The following RBFOX1 variants were observed in gnomAD, a reference collection of about 807,000 sequenced individuals.
The protein encoded by RBFOX1 is RNA binding fox-1 homolog 1.
A neutral mutation model predicts 57.7 loss-of-function variants in RBFOX1; 8 were observed. That is an observed-to-expected ratio of 0.14 (90% confidence interval 0.08 to 0.25). RBFOX1 has a LOEUF of 0.25. RBFOX1 is among the 10% of genes least tolerant of loss of function. RBFOX1 has a pLI of 1.00. For synonymous variants in RBFOX1, 326 were observed against 222.4 expected (o/e 1.47, Z -4.15); for missense variants, 611 against 548.5 (o/e 1.11, Z -1.14).
chr16:7,638,700 A>C (rs1431850393), intron 11 of RBFOX1, among the ~76,000 whole-genome samples: 4 of 152,224 alleles, frequency 2.6e-5, no homozygotes, highest in East Asian at 3.9e-4. Context: ...TTATAGCTTG[A>C]AAGTAGCCAT....
chr16:7,166,943 A>T (rs946926600), intron 4 of RBFOX1, among the ~76,000 whole-genome samples: 1 of 137,634 alleles, frequency 7.3e-6, no homozygotes, highest in African/African-American at 2.8e-5. Flanking sequence ...GACATCAGAG[A>T]GAAAGCCCCA....
chr16:7,648,484 A>C (rs1032753491), intron 11 of RBFOX1, among the ~76,000 whole-genome samples: 7 of 152,248 alleles, frequency 4.6e-5, no homozygotes, highest in Middle Eastern at 3.4e-3. Flanking sequence ...TGGCCTCCCA[A>C]AGTGTTGGGA....
At chr16:5,420,868 C>G (rs914497503) in intron 1 of RBFOX1, among the ~76,000 whole-genome samples, 3 of 72,910 alleles carry the variant, frequency 4.1e-5, no homozygotes, top group Non-Finnish European at 8.6e-5. Flanking sequence ...TCCTCCTCCT[C>G]CTCTCCCTCC....
At chr16:7,022,271 T>G (rs1322038932) in intron 3 of RBFOX1, among the ~76,000 whole-genome samples, 1 of 151,190 alleles carries the variant, frequency 6.6e-6, no homozygotes, top group Non-Finnish European at 1.5e-5. Flanking sequence ...CAGGTTCGTC[T>G]TGAACTCAAG....
intron 1 of RBFOX1, among the ~76,000 whole-genome samples, chr16:5,395,974 G>A (rs1314344568): frequency 2.0e-5 from 3 of 152,190 alleles, no homozygotes. Flanking sequence ...ATTTAAGCCT[G>A]TGGGCTCAAC....
intron 3 of RBFOX1, among the ~76,000 whole-genome samples, chr16:5,739,379 C>T (rs1415983859): frequency 6.6e-6 from 1 of 152,190 alleles, no homozygotes; most frequent in Non-Finnish European, 1.5e-5. Context: ...GTGAATAAAA[C>T]AGACAAGAAT....
intron 3 of RBFOX1, among the ~76,000 whole-genome samples, chr16:5,615,749 C>T (rs542227913): frequency 4.6e-5 from 7 of 152,178 alleles, no homozygotes; most frequent in East Asian, 1.9e-4. Flanking sequence ...TGGGGGACCC[C>T]GTTAGGAAAA....
At position 5,582,390 on chromosome 16, in the gene RBFOX1, G is replaced by A. The variant is rs548398486; in HGVS notation, c.259-16512G>A. ...GTGGAAAACATGGACCACACTGGCC[G>A]TCGTGATTGGCATTGCCGGGTATTG... On this transcript the variant is annotated intron_variant, in intron 2 of 2. Transcript: ENST00000585867. Among the ~76,000 whole-genome samples the A allele has an allele frequency of 9.9e-5, 15 of 152,216 alleles. No individual in the cohort carries two copies. The South Asian group carries it at 1.9e-3, about 19-fold the overall frequency.
intron 4 of RBFOX1, among the ~76,000 whole-genome samples, chr16:7,467,513 T>C (rs1000962818): frequency 3.3e-5 from 5 of 152,148 alleles, no homozygotes; most frequent in Non-Finnish European, 7.4e-5. Context: ...CAGTATAATA[T>C]AATGGGTGAG....
intron 2 of RBFOX1, among the ~76,000 whole-genome samples, chr16:6,633,144 C>A (rs970976805): frequency 2.0e-5 from 3 of 152,170 alleles, no homozygotes; most frequent in Non-Finnish European, 4.4e-5. Context: ...CTGACGTGCA[C>A]CCCTGTGCTG....
intron 3 of RBFOX1, among the ~76,000 whole-genome samples, chr16:5,729,920 C>T (rs2052300514): frequency 6.6e-6 from 1 of 152,190 alleles, no homozygotes; most frequent in Admixed American, 6.5e-5. Context: ...AGGGAAGCTG[C>T]TTCTCTTGCT....
intron 4 of RBFOX1, among the ~76,000 whole-genome samples, chr16:7,230,847 G>C (rs1346411103): frequency 2.0e-5 from 3 of 152,212 alleles, no homozygotes; most frequent in South Asian, 4.2e-4. Context: ...TACTGCAGAG[G>C]GCAGCTCATT....
chr16:5,450,831 A>C (rs2068402999), intron 1 of RBFOX1, among the ~76,000 whole-genome samples: 1 of 152,152 alleles, frequency 6.6e-6, no homozygotes, highest in Non-Finnish European at 1.5e-5. Flanking sequence ...TGTGCACCAG[A>C]TGCACACAGG....
At chr16:7,281,273 G>T (rs990574885) in intron 4 of RBFOX1, among the ~76,000 whole-genome samples, 2 of 151,736 alleles carry the variant, frequency 1.3e-5, no homozygotes, top group Non-Finnish European at 1.5e-5. Context: ...ACAGTGTTGG[G>T]ACTACAGGCG....
intron 3 of RBFOX1, among the ~76,000 whole-genome samples, chr16:6,988,643 G>A (rs899561271): frequency 2.0e-4 from 30 of 151,560 alleles, no homozygotes; most frequent in Admixed American, 7.2e-4. Context: ...TGCGATCTCG[G>A]CTCACTACAA....
intron 3 of RBFOX1, among the ~76,000 whole-genome samples, chr16:5,617,218 A>C (rs951418837): frequency 6.6e-6 from 1 of 152,136 alleles, no homozygotes; most frequent in African/African-American, 2.4e-5. Flanking sequence ...CTTTGACCCC[A>C]GAATCTTTAG....
intron 2 of RBFOX1, among the ~76,000 whole-genome samples, chr16:6,598,743 C>T (rs149378682): frequency 1.6e-3 from 238 of 152,012 alleles, no homozygotes; most frequent in East Asian, 3.7e-3. Context: ...GTTGGGAGTT[C>T]GAGACCAGCC....
At chr16:6,881,373 C>G (rs967358252) in intron 3 of RBFOX1, among the ~76,000 whole-genome samples, 10 of 152,162 alleles carry the variant, frequency 6.6e-5, no homozygotes, top group Non-Finnish European at 1.3e-4. Flanking sequence ...AACAGTTACT[C>G]TCACAGTTCT....
At chr16:6,862,212 C>T (rs567815580) in intron 3 of RBFOX1, among the ~76,000 whole-genome samples, 1 of 152,228 alleles carries the variant, frequency 6.6e-6, no homozygotes, top group South Asian at 2.1e-4. Flanking sequence ...AGTACTGACC[C>T]TTACTCTAGA....
Sources: allele counts gnomAD v4.1 joint callset (sites outside exome capture counted in the v4.1 genomes callset), GRCh38; gene constraint gnomAD v4.1.1; transcripts MANE v1.5; gene names NCBI Gene and HGNC (gene_info 2026-07-23, HGNC 2026-07-21).